The following CSGALNACT1 variants were observed in gnomAD, a reference collection of about 807,000 sequenced individuals.
CSGALNACT1 encodes chondroitin sulfate N-acetylgalactosaminyltransferase 1.
A neutral mutation model predicts 51.0 loss-of-function variants in CSGALNACT1; 52 were observed. That is an observed-to-expected ratio of 1.02 (90% confidence interval 0.82 to 1.29). CSGALNACT1 has a LOEUF of 1.29. Among genes scored for constraint, CSGALNACT1 ranks in the 50% most tolerant of loss-of-function variants. CSGALNACT1 has a pLI of 0.00. For missense variants in CSGALNACT1, 935 were observed against 679.2 expected (o/e 1.38, Z -4.19); for synonymous variants, 341 against 254.4 (o/e 1.34, Z -3.24).
chr8:19,751,414 G>C (rs2065019876), intron 1 of CSGALNACT1, among the ~76,000 whole-genome samples: 1 of 152,176 alleles, frequency 6.6e-6, no homozygotes, highest in Non-Finnish European at 1.5e-5. Flanking sequence ...CATGGGAAGA[G>C]AATTGTGACA....
chr8:19,673,205 G>T (rs930539537), intron 1 of CSGALNACT1, among the ~76,000 whole-genome samples: 1 of 152,202 alleles, frequency 6.6e-6, no homozygotes, highest in African/African-American at 2.4e-5. Flanking sequence ...TCCGATGCAA[G>T]GAACAAAGGG....
intron 3 of CSGALNACT1, among the ~76,000 whole-genome samples, chr8:19,550,069 A>T (rs1057459565): frequency 6.6e-6 from 1 of 152,090 alleles, no homozygotes; most frequent in Non-Finnish European, 1.5e-5. Flanking sequence ...CCACATGGAA[A>T]TTCATATTTT....
In CSGALNACT1 at chr8:19,512,505, G is replaced by T. The variant is rs111880814; in HGVS notation, c.-296-6375C>A. ...TAGATAACTAATTCACAGGGTCACA[G>T]ACTTCAGATTTACATAAAAATGCTA... is the stretch of plus-strand genomic sequence containing the variant. On this transcript the variant is annotated intron_variant, in intron 3 of 9. Coordinates refer to ENST00000454498, the Ensembl canonical transcript of CSGALNACT1. Among the ~76,000 whole-genome samples the T allele has an allele frequency of 7.0e-4, 106 of 152,252 alleles. No individual in the cohort carries two copies. The Middle Eastern group carries it at 0.017, about 24-fold the overall frequency.
At chr8:19,490,287 G>C (rs1013600931) in intron 4 of CSGALNACT1, among the ~76,000 whole-genome samples, 1 of 152,170 alleles carries the variant, frequency 6.6e-6, no homozygotes, top group Non-Finnish European at 1.5e-5. Context: ...GGTTTTCACA[G>C]ACTGACTGCA....
chr8:19,442,800 C>A (rs1008085788), intron 5 of CSGALNACT1, among the ~76,000 whole-genome samples: 1 of 151,964 alleles, frequency 6.6e-6, no homozygotes, highest in Non-Finnish European at 1.5e-5. Context: ...GCCCATGACT[C>A]TCTTTTCTTA....
intron 4 of CSGALNACT1, among the ~76,000 whole-genome samples, chr8:19,467,938 A>G (rs1332052151): frequency 6.6e-6 from 1 of 152,226 alleles, no homozygotes; most frequent in African/African-American, 2.4e-5. Context: ...GTGAGCTGTG[A>G]TTGCGCTGCT....
intron 3 of CSGALNACT1, among the ~76,000 whole-genome samples, chr8:19,522,289 G>A (rs2080890145): frequency 6.6e-6 from 1 of 151,906 alleles, no homozygotes; most frequent in Admixed American, 6.6e-5. Context: ...TACAGAGCTG[G>A]TAGAAAGCAC....
chr8:19,734,198 C>A (rs928306464), intron 1 of CSGALNACT1, among the ~76,000 whole-genome samples: 2 of 146,562 alleles, frequency 1.4e-5, no homozygotes, highest in Non-Finnish European at 3.0e-5. Flanking sequence ...CTGTACACAA[C>A]CTGAAATCTA....
chr8:19,441,820 TC>T (rs2061371830), intron 5 of CSGALNACT1, among the ~76,000 whole-genome samples: 1 of 152,098 alleles, frequency 6.6e-6, no homozygotes, highest in Non-Finnish European at 1.5e-5. Context: ...AACCTACTCA[TC>T]TGACAAAGGG....
chr8:19,551,920 A>G (rs974011386), intron 3 of CSGALNACT1, among the ~76,000 whole-genome samples: 3 of 152,216 alleles, frequency 2.0e-5, no homozygotes, highest in Middle Eastern at 3.2e-3. Context: ...AAATCTTTCC[A>G]TCATGAAAAA....
chr8:19,609,165 TGATG>T (rs1247814837), intron 1 of CSGALNACT1, among the ~76,000 whole-genome samples: 1 of 151,234 alleles, frequency 6.6e-6, no homozygotes. Context: ...TGGGTTAGGC[TGATG>T]GAAGGATGCT....
intron 6 of CSGALNACT1, among the ~76,000 whole-genome samples, chr8:19,426,065 A>G (rs2058733977): frequency 6.6e-6 from 1 of 152,164 alleles, no homozygotes; most frequent in East Asian, 1.9e-4. Context: ...AAGGACAGCA[A>G]TTGCCTTACT....
chr8:19,426,268 G>C (rs979593184), intron 6 of CSGALNACT1, among the ~76,000 whole-genome samples: 1 of 152,186 alleles, frequency 6.6e-6, no homozygotes, highest in Non-Finnish European at 1.5e-5. Flanking sequence ...GGGCACCAGA[G>C]AAACCCCTCC....
intron 5 of CSGALNACT1, among the ~76,000 whole-genome samples, chr8:19,456,436 G>T (rs989386346): frequency 6.6e-6 from 1 of 152,214 alleles, no homozygotes; most frequent in East Asian, 1.9e-4. Context: ...CTAGAAATGG[G>T]CATTCTAGCT....
intron 1 of CSGALNACT1, chr8:19,688,757 G>A (rs1247612647): frequency 1.3e-5 from 2 of 152,256 alleles, no homozygotes; most frequent in African/African-American, 4.8e-5. Context: ...TACACCTGCT[G>A]CTTCCAGATC....
chr8:19,562,517 G>A (rs1588381461), intron 3 of CSGALNACT1, among the ~76,000 whole-genome samples: 1 of 146,818 alleles, frequency 6.8e-6, no homozygotes, highest in South Asian at 2.1e-4. Context: ...AGAGCAAACA[G>A]ACAATCTACA....
chr8:19,651,398 T>C (rs907937868), intron 1 of CSGALNACT1, among the ~76,000 whole-genome samples: 11 of 152,196 alleles, frequency 7.2e-5, no homozygotes, highest in African/African-American at 2.7e-4. Context: ...ATAGTTTTTT[T>C]ATCTTCATCT....
chr8:19,546,690 T>A (rs1454873290), intron 3 of CSGALNACT1, among the ~76,000 whole-genome samples: 1 of 152,218 alleles, frequency 6.6e-6, no homozygotes, highest in Non-Finnish European at 1.5e-5. Context: ...AAATGTACAA[T>A]AAATATTCTT....
intron 3 of CSGALNACT1, among the ~76,000 whole-genome samples, chr8:19,534,505 G>C (rs1449470368): frequency 2.6e-5 from 4 of 151,998 alleles, no homozygotes; most frequent in African/African-American, 9.7e-5. Context: ...CAGATTCCTG[G>C]GGAATCGGAC....
Sources: gnomAD v4.1 joint callset for allele counts (sites outside exome capture counted in the v4.1 genomes callset) on GRCh38, gnomAD v4.1.1 for gene constraint, MANE v1.5 for transcripts, NCBI Gene and HGNC (gene_info 2026-07-23, HGNC 2026-07-21) for gene names.